RAB38: variants seen among roughly 807,000 people sequenced by gnomAD.
RAB38 encodes the protein RAB38, member RAS oncogene family, also known as ras-related protein Rab-38.
Under a neutral mutation model 18.4 loss-of-function variants are expected in RAB38, and 15 were observed. That is an observed-to-expected ratio of 0.82 (90% CI 0.55 to 1.26). The LOEUF (loss-of-function observed/expected upper bound fraction) is 1.26. Among genes scored for constraint, RAB38 ranks in the 50% most tolerant of loss-of-function variants. The probability of loss-of-function intolerance (pLI) is 0.00; values close to 1 mark genes in which losing one functional copy is unlikely to be tolerated. For synonymous variants in RAB38, 101 were observed against 104.4 expected, an observed-to-expected ratio of 0.97 and a Z score of 0.20; for missense variants, 294 against 267.4, an observed-to-expected ratio of 1.10 and a Z score of -0.69.
At chr11:88,045,275 T>C in the RAB38 span, among the ~76,000 whole-genome samples, 1 of 151,884 alleles carries the variant, frequency 6.6e-6, no homozygotes, top group Admixed American at 6.5e-5. Context: ...CAGGACTTAA[T>C]TAAACTCACC....
chr11:87,973,404 T>C, the RAB38 span, among the ~76,000 whole-genome samples: 2 of 152,060 alleles, frequency 1.3e-5, no homozygotes, highest in African/African-American at 4.8e-5. Context: ...CATGAAGCAG[T>C]TGTCTTCAAG....
chr11:87,923,392 C>T, the RAB38 span, among the ~76,000 whole-genome samples: 2 of 151,724 alleles, frequency 1.3e-5, no homozygotes, highest in South Asian at 4.2e-4. Flanking sequence ...TTTAAATATT[C>T]TTAGATTCTT....
the RAB38 span, among the ~76,000 whole-genome samples, chr11:87,938,636 TTTG>T: frequency 0.071 from 9,097 of 127,996 alleles, 293 homozygotes; most frequent in East Asian, 0.11. Flanking sequence ...TTTTTTTGAT[TTTG>T]TTGTTGTTGT....
intron 2 of RAB38, among the ~76,000 whole-genome samples, chr11:88,134,322 C>T (rs1471695764): frequency 6.6e-6 from 1 of 152,110 alleles, no homozygotes; most frequent in African/African-American, 2.4e-5. Flanking sequence ...CTCACTGCAA[C>T]CTCCACCTCC....
At chr11:87,905,295 A>G in the RAB38 span, among the ~76,000 whole-genome samples, 1 of 151,594 alleles carries the variant, frequency 6.6e-6, no homozygotes, top group Non-Finnish European at 1.5e-5. Context: ...GTCCTTGACC[A>G]TATTTATAAT....
the RAB38 span, among the ~76,000 whole-genome samples, chr11:87,824,173 A>T: frequency 6.6e-6 from 1 of 152,214 alleles, no homozygotes; most frequent in Admixed American, 6.5e-5. Flanking sequence ...GGTGAAGATG[A>T]ATCACTGCAC....
chr11:88,080,295 C>T, the RAB38 span, among the ~76,000 whole-genome samples: 8 of 151,408 alleles, frequency 5.3e-5, no homozygotes, highest in East Asian at 1.9e-4. Flanking sequence ...AATATTACAA[C>T]GATGTAAAAA....
At chr11:88,060,728 C>T in the RAB38 span, among the ~76,000 whole-genome samples, 1 of 152,110 alleles carries the variant, frequency 6.6e-6, no homozygotes, top group African/African-American at 2.4e-5. Flanking sequence ...TGACTTATAC[C>T]AACTAGCTGC....
chr11:87,847,549 G>C, the RAB38 span, among the ~76,000 whole-genome samples: 2 of 151,996 alleles, frequency 1.3e-5, no homozygotes, highest in Non-Finnish European at 2.9e-5. Context: ...TAGGCCTTGG[G>C]TTTCACTGTG....
the RAB38 span, among the ~76,000 whole-genome samples, chr11:87,907,198 A>C: frequency 6.6e-6 from 1 of 151,956 alleles, no homozygotes; most frequent in African/African-American, 2.4e-5. Context: ...ATTTCTTAGC[A>C]CAGTTTCTAA....
chr11:87,818,632 A>T, the RAB38 span, among the ~76,000 whole-genome samples: 2 of 152,210 alleles, frequency 1.3e-5, no homozygotes, highest in Non-Finnish European at 2.9e-5. Context: ...GGTCAGATAG[A>T]CTTGAATGAA....
chr11:87,873,157 A>C, the RAB38 span, among the ~76,000 whole-genome samples: 1 of 151,554 alleles, frequency 6.6e-6, no homozygotes, highest in African/African-American at 2.4e-5. Flanking sequence ...GGTACGTAAT[A>C]ATATCTCATG....
At chr11:88,027,421 T>A in the RAB38 span, among the ~76,000 whole-genome samples, 4 of 152,106 alleles carry the variant, frequency 2.6e-5, no homozygotes, top group East Asian at 1.9e-4. Context: ...GGGTGAGGCA[T>A]TGCCTCACCT....
the RAB38 span, among the ~76,000 whole-genome samples, chr11:87,840,136 A>C: frequency 6.6e-6 from 1 of 152,184 alleles, no homozygotes; most frequent in African/African-American, 2.4e-5. Context: ...GAAAGGAGAC[A>C]TAGAAAAAGA....
the RAB38 span, among the ~76,000 whole-genome samples, chr11:87,964,681 G>A: frequency 2.6e-5 from 4 of 151,880 alleles, no homozygotes; most frequent in Admixed American, 6.6e-5. Context: ...TCCCGCTGTG[G>A]CCACTTGGTG....
the RAB38 span, among the ~76,000 whole-genome samples, chr11:87,851,960 A>T: frequency 6.6e-6 from 1 of 152,206 alleles, no homozygotes; most frequent in African/African-American, 2.4e-5. Context: ...CTTCATAAGG[A>T]AATGAAGACC....
the RAB38 span, among the ~76,000 whole-genome samples, chr11:87,940,182 AG>A: frequency 7.6e-6 from 1 of 132,348 alleles, no homozygotes; most frequent in Admixed American, 8.0e-5. Flanking sequence ...AAAAAAAAAG[AG>A]AGAGAGAGGG....
At chr11:88,159,769 T>C (rs1463466008) in intron 1 of RAB38, among the ~76,000 whole-genome samples, 2 of 152,082 alleles carry the variant, frequency 1.3e-5, no homozygotes, top group East Asian at 1.9e-4. Context: ...GATAGCTGCC[T>C]AGCCATATGC....
chr11:87,941,347 C>T, the RAB38 span, among the ~76,000 whole-genome samples: 1 of 150,498 alleles, frequency 6.6e-6, no homozygotes, highest in Non-Finnish European at 1.5e-5. Context: ...GTGCAACTTA[C>T]ACTCATCGCA....
Sources: gnomAD v4.1 joint callset for allele counts (sites outside exome capture counted in the v4.1 genomes callset) on GRCh38, gnomAD v4.1.1 for gene constraint, MANE v1.5 for transcripts, NCBI Gene and HGNC (gene_info 2026-07-23, HGNC 2026-07-21) for gene names.